NOVA1: variants seen among roughly 807,000 people sequenced by gnomAD.
NOVA1 encodes the protein NOVA alternative splicing regulator 1.
NOVA1 carries 7 observed loss-of-function variants against 38.0 expected under a neutral mutation model. The observed-to-expected ratio is 0.18, with a 90% CI of 0.10 to 0.35. NOVA1 has a LOEUF of 0.35. NOVA1 is among the 10% of genes least tolerant of loss of function. The pLI is 1.00. For synonymous variants in NOVA1, 270 were observed against 232.5 expected, an observed-to-expected ratio of 1.16 and a Z score of -1.47; for missense variants, 460 against 616.0, an observed-to-expected ratio of 0.75 and a Z score of 2.68.
At chr14:26,587,225 G>T (rs914927408) in intron 2 of NOVA1, among the ~76,000 whole-genome samples, 2 of 146,646 alleles carry the variant, frequency 1.4e-5, no homozygotes, top group East Asian at 4.1e-4. Context: ...ACAACTCTAT[G>T]ATTTCTCCAA....
chr14:26,570,481 AAT>A (rs902624691), intron 2 of NOVA1, among the ~76,000 whole-genome samples: 5 of 152,184 alleles, frequency 3.3e-5, no homozygotes, highest in Non-Finnish European at 7.3e-5. Context: ...TGCAGTTGTC[AAT>A]ATGAATATCT....
chr14:26,490,959 C>T lies in NOVA1; in HGVS notation c.281-10816G>A, dbSNP rs370854169. ...CCACCTCCTGGGTTCCCGCCATTCTCCTGCCTCAGCCTCCCAAGTAGCTGG... is the reference window on the plus strand; with the variant it reads ...CCACCTCCTGGGTTCCCGCCATTCTTCTGCCTCAGCCTCCCAAGTAGCTGG... On this transcript the variant is annotated intron_variant, in intron 2 of 4. Coordinates refer to ENST00000539517, the MANE Select transcript of NOVA1 (RefSeq NM_002515.3). Among the ~76,000 whole-genome samples, 22 of 151,032 alleles carry T rather than the reference C, an allele frequency of 1.5e-4. No homozygotes were observed. In the South Asian group the frequency reaches 4.6e-3, roughly 32 times the overall value.
At chr14:26,585,021 C>T (rs1893434968) in intron 2 of NOVA1, among the ~76,000 whole-genome samples, 1 of 151,318 alleles carries the variant, frequency 6.6e-6, no homozygotes, top group Non-Finnish European at 1.5e-5. Context: ...TTTTAACCCA[C>T]TGTTCTCCAT....
intron 4 of NOVA1, among the ~76,000 whole-genome samples, chr14:26,459,756 A>G (rs1334475052): frequency 2.6e-5 from 4 of 152,108 alleles, no homozygotes; most frequent in Non-Finnish European, 5.9e-5. Flanking sequence ...ACTCTATGAC[A>G]TAACCAAACT....
At chr14:26,568,259 A>G (rs981698817) in intron 2 of NOVA1, among the ~76,000 whole-genome samples, 5 of 152,162 alleles carry the variant, frequency 3.3e-5, no homozygotes, top group African/African-American at 9.7e-5. Context: ...ACAGTCATTC[A>G]TATACAAAAT....
At chr14:26,580,935 A>T (rs1893177472) in intron 2 of NOVA1, among the ~76,000 whole-genome samples, 1 of 152,074 alleles carries the variant, frequency 6.6e-6, no homozygotes, top group Non-Finnish European at 1.5e-5. Flanking sequence ...AAATGAAACA[A>T]GCATAGAAAG....
intron 2 of NOVA1, among the ~76,000 whole-genome samples, chr14:26,514,100 T>C (rs1452147063): frequency 2.1e-4 from 32 of 151,718 alleles, no homozygotes; most frequent in Admixed American, 2.1e-3. Context: ...TTGTTTTACA[T>C]TTGAAAGTTC....
chr14:26,454,428 C>G (rs1882988096), intron 4 of NOVA1, among the ~76,000 whole-genome samples: 1 of 152,070 alleles, frequency 6.6e-6, no homozygotes, highest in African/African-American at 2.4e-5. Flanking sequence ...AGAACACCAG[C>G]CTGGCATTGC....
At chr14:26,483,574 A>G (rs1885633082) in intron 2 of NOVA1, among the ~76,000 whole-genome samples, 2 of 152,232 alleles carry the variant, frequency 1.3e-5, no homozygotes, top group South Asian at 4.1e-4. Context: ...GATCAACATT[A>G]GCATGACGAG....
In NOVA1 at chr14:26,595,401, T is replaced by C. The variant is rs1296962043; in HGVS notation, c.280+9A>G. On this transcript the variant is annotated intron_variant, in intron 2 of 4. Coordinates refer to ENST00000539517, the MANE Select transcript of NOVA1 (RefSeq NM_002515.3). ...GCTCATCAAACAATCTCTTCACCAT[T>C]GCACCTACCTGGGTAAAAATCTTTG... is the stretch of plus-strand genomic sequence containing the variant. 5 of 1,612,738 alleles carry C rather than the reference T, an allele frequency of 3.1e-6. No homozygotes were observed. Among genetic ancestry groups the C allele is most frequent in the Non-Finnish European group, 4.2e-6 (5 of 1,179,416 alleles).
intron 2 of NOVA1, among the ~76,000 whole-genome samples, chr14:26,521,060 A>G (rs1273200096): frequency 1.3e-5 from 2 of 152,024 alleles, no homozygotes; most frequent in South Asian, 2.1e-4. Context: ...ATAAAATAAA[A>G]GTATGGTCCT....
chr14:26,507,989 A>G (rs1887770477), intron 2 of NOVA1, among the ~76,000 whole-genome samples: 1 of 152,066 alleles, frequency 6.6e-6, no homozygotes, highest in African/African-American at 2.4e-5. Flanking sequence ...AGAGGAAAAA[A>G]AGCAAAAGCT....
intron 2 of NOVA1, among the ~76,000 whole-genome samples, chr14:26,515,064 G>C (rs1406216196): frequency 6.6e-6 from 1 of 151,836 alleles, no homozygotes; most frequent in Non-Finnish European, 1.5e-5. Flanking sequence ...CTTCTAAAGT[G>C]TAGTCCAAAA....
At chr14:26,571,530 C>A (rs1007330628) in intron 2 of NOVA1, among the ~76,000 whole-genome samples, 1 of 152,132 alleles carries the variant, frequency 6.6e-6, no homozygotes, top group Non-Finnish European at 1.5e-5. Context: ...GTCACATGGG[C>A]CTACCTTAAA....
chr14:26,465,863 T>G (rs1884076492), intron 4 of NOVA1, among the ~76,000 whole-genome samples: 1 of 151,962 alleles, frequency 6.6e-6, no homozygotes, highest in Non-Finnish European at 1.5e-5. Context: ...TTTACTTTAC[T>G]CAGAGAGTAA....
rs1894126894 is a variant in NOVA1 at position 26,595,419 on chromosome 14, A to C, written c.271T>G (p.Phe91Val). ...ATIKLSKSKD[F>V]YPGTTERVCL... The stretch of plus-strand genomic sequence containing the variant: ...TCACCATTGCACCTACCTGGGTAAA[A>C]ATCTTTGGACTTAGACAGCTTGATG... The change falls in exon 2 of 5, where the codon TTT becomes GTT. Residue 91 changes from phenylalanine (F) to valine (V), a missense_variant. Phe to Val is a conservative substitution (Grantham distance 50, BLOSUM62 -1). Transcript: ENST00000539517. 2 of 1,613,396 alleles carry C rather than the reference A, an allele frequency of 1.2e-6. No homozygotes were observed. Among genetic ancestry groups the C allele is most frequent in the African/African-American group, 2.7e-5 (2 of 74,874 alleles).
chr14:26,588,751 TAGTC>T lies in NOVA1; in HGVS notation c.280+6655_280+6658del, dbSNP rs564587632. On this transcript the variant is annotated intron_variant, in intron 2 of 4. Transcript: ENST00000539517. Reference sequence around the variant, plus strand: ...TATATTGATAAGAATTGATTAAAAATAGTCAATCATGTCAAAAGAGAATAAAATA... The same window carrying T: ...TATATTGATAAGAATTGATTAAAAATAATCATGTCAAAAGAGAATAAAATA... Among the ~76,000 whole-genome samples, 14 of 151,632 alleles carry T rather than the reference TAGTC, an allele frequency of 9.2e-5. No homozygotes were observed. The South Asian group carries it at 2.1e-3, about 22-fold the overall frequency.
intron 2 of NOVA1, chr14:26,568,497 C>CA (rs996558890): frequency 1.2e-4 from 19 of 152,038 alleles, no homozygotes; most frequent in Admixed American, 1.0e-3. Context: ...TGTAAACAAA[C>CA]AAAAAACCTA....
At chr14:26,475,697 C>T (rs1254237175) in intron 3 of NOVA1, among the ~76,000 whole-genome samples, 1 of 151,976 alleles carries the variant, frequency 6.6e-6, no homozygotes, top group Non-Finnish European at 1.5e-5. Flanking sequence ...TAATTATTAA[C>T]AATTTTAAAA....
Sources: gnomAD v4.1 joint callset for allele counts (sites outside exome capture counted in the v4.1 genomes callset) on GRCh38, gnomAD v4.1.1 for gene constraint, MANE v1.5 for transcripts, NCBI Gene and HGNC (gene_info 2026-07-23, HGNC 2026-07-21) for gene names.